SYTL5: variants seen among roughly 807,000 people sequenced by gnomAD.
SYTL5 encodes the protein synaptotagmin like 5, also known as synaptotagmin-like protein 5.
In SYTL5, 34 loss-of-function variants were observed where a neutral mutation model predicts 55.9. The ratio of observed to expected loss-of-function variants is 0.61; its 90% CI spans 0.46 to 0.81. SYTL5 has a LOEUF of 0.81. Among genes scored for constraint, SYTL5 ranks in the 30% least tolerant of loss-of-function variants. The pLI, the probability that SYTL5 is intolerant of heterozygous loss-of-function variation, is 0.00. For missense variants in SYTL5, 637 were observed against 546.7 expected (o/e 1.17, Z -1.65); for synonymous variants, 221 against 188.7 (o/e 1.17, Z -1.40).
intron 3 of SYTL5, 57 bp downstream of exon 3, chrX:38,054,479 G>A (rs1935720358): frequency 9.4e-7 from 1 of 1,064,821 alleles, no homozygotes; most frequent in African/African-American, 1.9e-5. Context: ...GGATTGGAGT[G>A]GGGAAGGCAA....
rs182913507 is a variant in SYTL5 at position 38,110,248 on chromosome X, G to A, written c.1435-73G>A. 143 of 796,222 alleles carry A rather than the reference G, an allele frequency of 1.8e-4. 1 individual carries two copies. In the African/African-American group the frequency reaches 2.6e-3, roughly 14 times the overall value. 65.6% of individuals were successfully genotyped at this position (796,222 alleles called of 1,213,427 possible). ...GCATATGATCTGAAAGATGTTGGAA[G>A]TAAATTTCGACCTCTCCTGGAATTG... On this transcript the variant is annotated intron_variant, in intron 12 of 16. Coordinates refer to ENST00000297875, the MANE Select transcript of SYTL5 (RefSeq NM_138780.3).
chrX:38,083,185 T>C (rs764607889), intron 6 of SYTL5, among the ~76,000 whole-genome samples: 8 of 111,538 alleles, frequency 7.2e-5, no homozygotes, highest in African/African-American at 2.6e-4. Context: ...AAACGGCTTC[T>C]GGTCATTATT....
At chrX:37,991,479 C>T in the SYTL5 span, among the ~76,000 whole-genome samples, 7 of 110,983 alleles carry the variant, frequency 6.3e-5, no homozygotes, top group East Asian at 2.9e-4. Flanking sequence ...ACAGTGAGGG[C>T]GCCGGCCCTG....
intron 1 of SYTL5, among the ~76,000 whole-genome samples, chrX:38,019,421 A>G (rs1304089991): frequency 9.0e-6 from 1 of 111,356 alleles, no homozygotes; most frequent in Non-Finnish European, 1.9e-5. Context: ...TGTCTCTACA[A>G]CCTAGAATGA....
At chrX:37,956,742 A>G in the SYTL5 span, among the ~76,000 whole-genome samples, 1 of 112,074 alleles carries the variant, frequency 8.9e-6, no homozygotes, top group East Asian at 2.8e-4. Context: ...TAATGCTGCT[A>G]TGAGCATGGG....
At chrX:38,015,009 T>C (rs955303411) in intron 1 of SYTL5, among the ~76,000 whole-genome samples, 1 of 112,138 alleles carries the variant, frequency 8.9e-6, no homozygotes, top group African/African-American at 3.2e-5. Flanking sequence ...TCCCTTCGGC[T>C]TAGTGATTTT....
chrX:38,058,282 T>A (rs1331753291), intron 3 of SYTL5, among the ~76,000 whole-genome samples: 1 of 111,444 alleles, frequency 9.0e-6, no homozygotes, highest in African/African-American at 3.2e-5. Context: ...GCATATCCAA[T>A]CAGATATCGA....
intron 11 of SYTL5, 92 bp from the exon 12 acceptor site, chrX:38,108,508 C>T (rs1812661710): frequency 9.8e-6 from 6 of 613,874 alleles, no homozygotes; most frequent in Non-Finnish European, 1.6e-5. Flanking sequence ...TGCTCACTGG[C>T]CCTTTGCCCC....
the SYTL5 span, among the ~76,000 whole-genome samples, chrX:37,969,459 A>T: frequency 8.9e-6 from 1 of 111,987 alleles, no homozygotes; most frequent in Non-Finnish European, 1.9e-5. Flanking sequence ...GTGAAACATC[A>T]CTTCCACATG....
intron 2 of SYTL5, among the ~76,000 whole-genome samples, chrX:38,045,080 A>T (rs2147259486): frequency 8.9e-6 from 1 of 111,954 alleles, no homozygotes; most frequent in Non-Finnish European, 1.9e-5. Context: ...TGTGCAAGTG[A>T]TTTATTAAAG....
At chrX:37,926,718 C>A in the SYTL5 span, among the ~76,000 whole-genome samples, 1 of 111,527 alleles carries the variant, frequency 9.0e-6, no homozygotes, top group African/African-American at 3.3e-5. Flanking sequence ...TGTGGGCTAC[C>A]AGTCTCCAGA....
chrX:37,949,091 T>A, the SYTL5 span, among the ~76,000 whole-genome samples: 10 of 111,649 alleles, frequency 9.0e-5, no homozygotes, highest in Admixed American at 1.9e-4. Context: ...TGAAAAAACC[T>A]GAGACTCACT....
chrX:38,038,503 C>T (rs150652138), intron 2 of SYTL5, among the ~76,000 whole-genome samples: 2,314 of 112,161 alleles, frequency 0.021, 25 homozygotes, highest in Non-Finnish European at 0.03. Context: ...TTGGTGCTAG[C>T]TATTACAATA....
chrX:38,047,298 A>G (rs1327417278), intron 2 of SYTL5, among the ~76,000 whole-genome samples: 1 of 113,044 alleles, frequency 8.8e-6, no homozygotes, highest in Non-Finnish European at 1.9e-5. Context: ...GCATCCAGGC[A>G]TTTCAGTACA....
At chrX:37,945,182 T>C in the SYTL5 span, among the ~76,000 whole-genome samples, 174 of 112,494 alleles carry the variant, frequency 1.5e-3, no homozygotes, top group African/African-American at 5.3e-3. Context: ...ATTTACCTTT[T>C]CAGCTTTCAT....
At chrX:38,126,566 T>A (rs1569196740) in intron 16 of SYTL5, 22 bp from the exon 17 acceptor site, 1 of 1,209,009 alleles carries the variant, frequency 8.3e-7, no homozygotes, top group Non-Finnish European at 1.1e-6. Flanking sequence ...TGACATAAAA[T>A]TTTCCCGTTT....
At chrX:38,010,591 G>A (rs1033459363) in intron 1 of SYTL5, among the ~76,000 whole-genome samples, 3 of 111,710 alleles carry the variant, frequency 2.7e-5, no homozygotes, top group African/African-American at 9.8e-5. Context: ...AGTATATCAT[G>A]GAATCAAAAT....
intron 3 of SYTL5, among the ~76,000 whole-genome samples, chrX:38,063,041 C>G: frequency 9.0e-6 from 1 of 111,330 alleles, no homozygotes; most frequent in South Asian, 3.9e-4. Context: ...TAAATCCTTT[C>G]AAGTGCCCTC....
At chrX:37,929,557 GT>G in the SYTL5 span, among the ~76,000 whole-genome samples, 3 of 112,185 alleles carry the variant, frequency 2.7e-5, no homozygotes, top group South Asian at 1.1e-3. Flanking sequence ...GTTGAGATAA[GT>G]AGAAGTGAAG....
Sources: allele counts gnomAD v4.1 joint callset (sites outside exome capture counted in the v4.1 genomes callset), GRCh38; gene constraint gnomAD v4.1.1; transcripts MANE v1.5; gene names NCBI Gene and HGNC (gene_info 2026-07-23, HGNC 2026-07-21).